Variants in IGF2BP2 observed in about 807,000 individuals in gnomAD.
The protein encoded by IGF2BP2 is insulin like growth factor 2 mRNA binding protein 2.
A neutral mutation model predicts 75.8 loss-of-function variants in IGF2BP2; 17 were observed. The ratio of observed to expected loss-of-function variants is 0.22; its 90% confidence interval spans 0.15 to 0.34. The LOEUF is 0.34. Among genes scored for constraint, IGF2BP2 ranks in the 10% least tolerant of loss-of-function variants. The pLI is 1.00. For missense variants in IGF2BP2, 516 were observed against 772.4 expected (o/e 0.67, Z 3.93); for synonymous variants, 288 against 295.6 (o/e 0.97, Z 0.26).
intron 2 of IGF2BP2, among the ~76,000 whole-genome samples, chr3:185,713,712 T>C (rs900636963): frequency 6.6e-6 from 1 of 152,260 alleles, no homozygotes; most frequent in African/African-American, 2.4e-5. Context: ...CTTTTTCATT[T>C]TCTTTTGAGA....
chr3:185,654,059 G>C (rs554224511), intron 12 of IGF2BP2, among the ~76,000 whole-genome samples: 44 of 152,272 alleles, frequency 2.9e-4, no homozygotes, highest in African/African-American at 1.0e-3. Context: ...CTGCTTTATT[G>C]TGAGTACATA....
At chr3:185,697,397 C>T (rs551347931) in intron 3 of IGF2BP2, among the ~76,000 whole-genome samples, 4 of 151,414 alleles carry the variant, frequency 2.6e-5, no homozygotes, top group South Asian at 2.1e-4. Flanking sequence ...TGAGCCATCA[C>T]GCCCAGGCAA....
chr3:185,700,393 G>A (rs1723128852), intron 2 of IGF2BP2, among the ~76,000 whole-genome samples: 1 of 152,048 alleles, frequency 6.6e-6, no homozygotes, highest in Non-Finnish European at 1.5e-5. Context: ...TGCCTTACTA[G>A]GGCTGCTTTA....
intron 2 of IGF2BP2, among the ~76,000 whole-genome samples, chr3:185,783,903 C>A (rs189130464): frequency 1.2e-4 from 18 of 152,236 alleles, no homozygotes; most frequent in Non-Finnish European, 2.6e-4. Flanking sequence ...GAAAAATATA[C>A]ACAATCTTTG....
At position 185,808,723 on chromosome 3, in the gene IGF2BP2, C is replaced by CTT. The variant is rs762840497; in HGVS notation, c.239+14429_239+14430insAA. Among the ~76,000 whole-genome samples, 74 of 106,400 alleles carry CTT rather than the reference C, an allele frequency of 7.0e-4. 1 individual carries two copies. In the South Asian group the frequency reaches 0.02, roughly 29 times the overall value. The allele number at this position is 106,400 out of a possible 152,430, so 69.8% of individuals were successfully genotyped here. ...CACAGGTGCATGCCACCACACCTGG[C>CTT]TATTTTTTTTTTTTTTATCATTTTA... On this transcript the variant is annotated intron_variant, in intron 2 of 15. Transcript: ENST00000382199.
chr3:185,725,587 G>A (rs568945570), intron 2 of IGF2BP2, among the ~76,000 whole-genome samples: 37 of 152,236 alleles, frequency 2.4e-4, no homozygotes, highest in Admixed American at 5.9e-4. Flanking sequence ...GTGGATAGTC[G>A]GGGTAGAGGA....
intron 5 of IGF2BP2, among the ~76,000 whole-genome samples, chr3:185,691,600 A>G (rs902649447): frequency 1.3e-5 from 2 of 152,116 alleles, no homozygotes; most frequent in African/African-American, 4.8e-5. Flanking sequence ...ACCTCCTACA[A>G]AAAAGGAACT....
chr3:185,697,234 T>C (rs1722699805), intron 3 of IGF2BP2, among the ~76,000 whole-genome samples: 1 of 152,096 alleles, frequency 6.6e-6, no homozygotes, highest in Non-Finnish European at 1.5e-5. Context: ...GCCTCCCGAG[T>C]AGCTGGGACT....
At chr3:185,767,143 G>T (rs1733193274) in intron 2 of IGF2BP2, among the ~76,000 whole-genome samples, 1 of 152,190 alleles carries the variant, frequency 6.6e-6, no homozygotes, top group African/African-American at 2.4e-5. Context: ...GGTGGCATAG[G>T]CAACAGCTCT....
intron 1 of IGF2BP2, among the ~76,000 whole-genome samples, chr3:185,824,397 G>A (rs1214882727): frequency 6.8e-6 from 1 of 148,116 alleles, no homozygotes; most frequent in African/African-American, 2.5e-5. Context: ...CCCTGACAAA[G>A]GGGGTGACAG....
At position 185,684,834 on chromosome 3, in the gene IGF2BP2, T is replaced by C. The variant is rs563116042; in HGVS notation, c.812+2223A>G. Among the ~76,000 whole-genome samples, 3 of 151,246 alleles carry C rather than the reference T, an allele frequency of 2.0e-5. No homozygotes were observed. In the South Asian group the frequency reaches 6.3e-4, roughly 32 times the overall value. On this transcript the variant is annotated intron_variant, in intron 7 of 15. Coordinates refer to ENST00000382199, the MANE Select transcript of IGF2BP2 (RefSeq NM_006548.6). ...GGAACCAATGGGTGAAAAAATGGTA[T>C]GTGGGGAAGGAAAAAAAAAAAAGCA...
In IGF2BP2 at chr3:185,749,517, A is replaced by C. The variant is rs560784984; in HGVS notation, c.240-51170T>G. On this transcript the variant is annotated intron_variant, in intron 2 of 15. Transcript: ENST00000382199. ...CATGAATGAGCTAATTGCTCTTCTG[A>C]GTAGGAACTGGCCTCTAGTCCTCAC... is the stretch of plus-strand genomic sequence containing the variant. Among the ~76,000 whole-genome samples the C allele has an allele frequency of 2.0e-5, 3 of 152,358 alleles. No homozygotes were observed. In the East Asian group the frequency reaches 5.8e-4, roughly 29 times the overall value.
intron 2 of IGF2BP2, among the ~76,000 whole-genome samples, chr3:185,716,105 G>C (rs529708175): frequency 6.6e-6 from 1 of 151,646 alleles, no homozygotes; most frequent in Non-Finnish European, 1.5e-5. Flanking sequence ...ATAACAAATA[G>C]ATCCATTAAA....
In IGF2BP2 at chr3:185,735,956, A is replaced by G. The variant is rs543105345; in HGVS notation, c.240-37609T>C. Among the ~76,000 whole-genome samples, 24 of 152,296 alleles carry G rather than the reference A, an allele frequency of 1.6e-4. 1 individual carries two copies. The highest frequency in any genetic ancestry group is 5.8e-4 in the African/African-American group (24 of 41,556). ...ATTAGTTTATAAACTATATGCATAC[A>G]CTTTGTTATCTCAAGTCCTAGCTCA... On this transcript the variant is annotated intron_variant, in intron 2 of 15. Transcript: ENST00000382199.
At chr3:185,763,994 G>A (rs1057307876) in intron 2 of IGF2BP2, among the ~76,000 whole-genome samples, 8 of 152,158 alleles carry the variant, frequency 5.3e-5, no homozygotes, top group African/African-American at 1.9e-4. Context: ...AGAGAGAGAA[G>A]AGGGTGAGGT....
chr3:185,802,021 G>C (rs1455056523), intron 2 of IGF2BP2, among the ~76,000 whole-genome samples: 1 of 151,908 alleles, frequency 6.6e-6, no homozygotes, highest in Non-Finnish European at 1.5e-5. Context: ...CAAGCAGTAG[G>C]GGGCAAGGGG....
chr3:185,715,202 T>C (rs1486604007), intron 2 of IGF2BP2, among the ~76,000 whole-genome samples: 1 of 152,186 alleles, frequency 6.6e-6, no homozygotes, highest in African/African-American at 2.4e-5. Flanking sequence ...TCTAAGGGAA[T>C]GAGGCACACA....
chr3:185,751,587 G>GT (rs1211492615), intron 2 of IGF2BP2, among the ~76,000 whole-genome samples: 1 of 151,804 alleles, frequency 6.6e-6, no homozygotes, highest in Non-Finnish European at 1.5e-5. Flanking sequence ...GGAGGTTGTG[G>GT]TAAGCCAAGA....
chr3:185,824,883 C>G lies in IGF2BP2; in HGVS notation c.78G>C (p.Arg26Ser). 6.4e-7 allele frequency: 1 copy of G among 1,570,582 alleles called. No homozygotes were observed. Among genetic ancestry groups the G allele is most frequent in the Non-Finnish European group, 8.6e-7 (1 of 1,158,266 alleles). Residue 26 changes from arginine to serine, a missense_variant, in exon 1 of 16, where the codon AGG (arginine) becomes AGC (serine). Arg to Ser is a moderately radical substitution (Grantham distance 110). Transcript: ENST00000382199. ...ADDLRQLFGD[R>S]KLPLAGQVLL... Reference sequence around the variant, plus strand: ...GGACCTGTCCCGCCAGGGGCAGCTTCCTGTCCCCAAAGAGCTGCCGGAGGT... The same window carrying G: ...GGACCTGTCCCGCCAGGGGCAGCTTGCTGTCCCCAAAGAGCTGCCGGAGGT...
Sources: gnomAD v4.1 joint callset for allele counts (sites outside exome capture counted in the v4.1 genomes callset) on GRCh38, gnomAD v4.1.1 for gene constraint, MANE v1.5 for transcripts, NCBI Gene and HGNC (gene_info 2026-07-23, HGNC 2026-07-21) for gene names.